ATP8A1: variants seen among roughly 807,000 people sequenced by gnomAD.
ATP8A1 encodes ATPase phospholipid transporting 8A1, also known as phospholipid-transporting ATPase IA.
ATP8A1 carries 90 observed loss-of-function variants against 177.7 expected under a neutral mutation model. The observed-to-expected ratio is 0.51, with a 90% CI of 0.43 to 0.60. The LOEUF (loss-of-function observed/expected upper bound fraction) is 0.60. Among genes scored for constraint, ATP8A1 ranks in the 20% least tolerant of loss-of-function variants. The pLI is 0.00. For missense variants in ATP8A1, 1,072 were observed against 1,392.8 expected (o/e 0.77, Z 3.67); for synonymous variants, 493 against 485.9 (o/e 1.01, Z -0.19).
In ATP8A1 at chr4:42,641,603, A is replaced by C. The variant is rs546210487; in HGVS notation, c.50-14494T>G. Among the ~76,000 whole-genome samples the C allele has an allele frequency of 1.5e-4, 23 of 152,290 alleles. No homozygotes were observed. The South Asian group carries it at 3.9e-3, about 26-fold the overall frequency. On this transcript the variant is annotated intron_variant, in intron 1 of 36. Transcript: ENST00000381668. ...TTGTACATGGAAAAGAGTATTATTA[A>C]ATTAGTTACTACAAATGCTTGTAGG... is the stretch of plus-strand genomic sequence containing the variant.
At position 42,446,591 on chromosome 4, in the gene ATP8A1, CAA is replaced by C. The variant is rs1717280592; in HGVS notation, c.2948_2949del (p.Phe983CysfsTer54). ...CGACATCCCGCACTCACAGTGTACA[CAA>C]AGTTTCCCAGTAGCAGATAATCCGA... ...KTSDYLLLGNFVYTFVVITVC... is the reference protein window; with the variant it reads ...KTSDYLLLGNXVYTFVVITVC... On this transcript the variant is annotated frameshift_variant, in exon 31 of 37. Transcript: ENST00000381668. LOFTEE classifies it high-confidence loss of function. 7 of 1,613,800 alleles carry C rather than the reference CAA, an allele frequency of 4.3e-6. No homozygotes were observed. The highest frequency in any genetic ancestry group is 4.0e-5 in the African/African-American group (3 of 74,884).
chr4:42,649,619 A>G (rs927792085), intron 1 of ATP8A1, among the ~76,000 whole-genome samples: 5 of 152,184 alleles, frequency 3.3e-5, no homozygotes, highest in African/African-American at 1.2e-4. Flanking sequence ...TCCATTAAAA[A>G]CAAAGCTCAG....
intron 27 of ATP8A1, among the ~76,000 whole-genome samples, chr4:42,464,120 T>G (rs1719468711): frequency 6.6e-6 from 1 of 152,212 alleles, no homozygotes; most frequent in Non-Finnish European, 1.5e-5. Flanking sequence ...GCAGTCAAGT[T>G]TATAGACTTT....
chr4:42,628,046 C>G (rs1403395752), intron 1 of ATP8A1, among the ~76,000 whole-genome samples: 2 of 152,248 alleles, frequency 1.3e-5, no homozygotes, highest in East Asian at 3.9e-4. Context: ...GAGTCAGGTT[C>G]CCCCTACCAG....
chr4:42,541,628 T>C (rs1404334929), intron 20 of ATP8A1, among the ~76,000 whole-genome samples: 1 of 152,176 alleles, frequency 6.6e-6, no homozygotes, highest in Non-Finnish European at 1.5e-5. Flanking sequence ...GACCAAGATG[T>C]CCTTCAGCAG....
chr4:42,487,463 C>G (rs186495312), intron 24 of ATP8A1, among the ~76,000 whole-genome samples: 1 of 152,122 alleles, frequency 6.6e-6, no homozygotes, highest in Admixed American at 6.6e-5. Context: ...ATGAGTAATT[C>G]CCCTCCTATC....
intron 15 of ATP8A1, among the ~76,000 whole-genome samples, chr4:42,559,260 C>T (rs1001567473): frequency 6.6e-6 from 1 of 152,084 alleles, no homozygotes; most frequent in Non-Finnish European, 1.5e-5. Context: ...AAAATATTTC[C>T]AACTTATAAA....
chr4:42,422,184 C>T (rs1010564798), intron 35 of ATP8A1, among the ~76,000 whole-genome samples: 1 of 152,056 alleles, frequency 6.6e-6, no homozygotes, highest in African/African-American at 2.4e-5. Flanking sequence ...CTCTGCCTCC[C>T]AGGTTCAAGC....
chr4:42,625,218 C>G (rs1217492059), intron 3 of ATP8A1: 1 of 154,832 alleles, frequency 6.5e-6, no homozygotes, highest in African/African-American at 2.4e-5. Context: ...AGCATATGTT[C>G]AATATGCTAC....
At chr4:42,518,533 C>T (rs546114885) in intron 22 of ATP8A1, among the ~76,000 whole-genome samples, 181 of 152,302 alleles carry the variant, frequency 1.2e-3, no homozygotes, top group African/African-American at 4.1e-3. Flanking sequence ...TCTACTCTTA[C>T]TCCAGCCAAA....
chr4:42,487,135 A>G (rs961163728), intron 24 of ATP8A1, among the ~76,000 whole-genome samples: 5 of 152,102 alleles, frequency 3.3e-5, no homozygotes, highest in African/African-American at 1.2e-4. Context: ...ATGATGTTGT[A>G]TTTAGTTGGG....
At chr4:42,477,168 A>T (rs982870466) in intron 25 of ATP8A1, among the ~76,000 whole-genome samples, 2 of 152,230 alleles carry the variant, frequency 1.3e-5, no homozygotes, top group Non-Finnish European at 2.9e-5. Flanking sequence ...CACTCAAAAA[A>T]CACTTGCTGA....
intron 25 of ATP8A1, 53 bp downstream of exon 25, chr4:42,485,443 A>T: frequency 6.7e-7 from 1 of 1,492,368 alleles, no homozygotes; most frequent in Non-Finnish European, 9.1e-7. Context: ...TAAATCAAGA[A>T]CTTAGATCAA....
chr4:42,450,890 C>G (rs1717862498), intron 30 of ATP8A1, among the ~76,000 whole-genome samples: 1 of 152,140 alleles, frequency 6.6e-6, no homozygotes, highest in South Asian at 2.1e-4. Context: ...ACCTGATTGA[C>G]AAGTACCATG....
chr4:42,542,685 T>C (rs138283889), intron 20 of ATP8A1, among the ~76,000 whole-genome samples: 10 of 152,224 alleles, frequency 6.6e-5, no homozygotes, highest in African/African-American at 2.2e-4. Flanking sequence ...GAACATGCGA[T>C]GTTTGGTTTT....
chr4:42,651,481 G>A (rs949428045), intron 1 of ATP8A1, among the ~76,000 whole-genome samples: 1 of 152,022 alleles, frequency 6.6e-6, no homozygotes, highest in Admixed American at 6.6e-5. Flanking sequence ...GAGTAGTCTC[G>A]GGTATGTCTT....
chr4:42,649,808 GATT>G (rs1366388671), intron 1 of ATP8A1, among the ~76,000 whole-genome samples: 1 of 152,082 alleles, frequency 6.6e-6, no homozygotes, highest in East Asian at 1.9e-4. Context: ...TTACAAATTG[GATT>G]ATAAGGCATT....
At chr4:42,605,360 C>A (rs1023996840) in intron 5 of ATP8A1, among the ~76,000 whole-genome samples, 1 of 152,196 alleles carries the variant, frequency 6.6e-6, no homozygotes, top group African/African-American at 2.4e-5. Flanking sequence ...CAGGGCCACT[C>A]CTTCCAGCTC....
chr4:42,531,445 A>G (rs552365884), intron 20 of ATP8A1, among the ~76,000 whole-genome samples: 1 of 152,314 alleles, frequency 6.6e-6, no homozygotes, highest in South Asian at 2.1e-4. Flanking sequence ...TTCCTCACCA[A>G]TTCCCCAGCT....
Sources: gnomAD v4.1 joint callset for allele counts (sites outside exome capture counted in the v4.1 genomes callset) on GRCh38, gnomAD v4.1.1 for gene constraint, MANE v1.5 for transcripts, NCBI Gene and HGNC (gene_info 2026-07-23, HGNC 2026-07-21) for gene names.